AHSG: variants seen among roughly 807,000 people sequenced by gnomAD.
AHSG encodes the protein alpha-2-HS-glycoprotein.
In AHSG, 23 loss-of-function variants were observed where a neutral mutation model predicts 30.1. The observed-to-expected ratio is 0.76, with a 90% CI of 0.55 to 1.08. The LOEUF (loss-of-function observed/expected upper bound fraction) is 1.08, where lower values mean the gene tolerates loss of function less well. Among genes scored for constraint, AHSG ranks in the 50% least tolerant of loss-of-function variants. The pLI, the probability that AHSG is intolerant of heterozygous loss-of-function variation, is 0.00. For missense variants in AHSG, 469 were observed against 459.5 expected (o/e 1.02, Z -0.19); for synonymous variants, 164 against 186.3 (o/e 0.88, Z 0.98).
chr3:186,616,851 A>G (rs1449828088), intron 3 of AHSG, among the ~76,000 whole-genome samples: 1 of 151,946 alleles, frequency 6.6e-6, no homozygotes, highest in Non-Finnish European at 1.5e-5. Flanking sequence ...AATCCCAGCT[A>G]CTAGGGAGGC....
Position 186,615,752 on chromosome 3 carries a change from C to G in AHSG, c.281C>G (p.Pro94Arg). The G allele has an allele frequency of 6.2e-7, 1 of 1,614,212 alleles. No homozygotes were observed. Among genetic ancestry groups the G allele is most frequent in the South Asian group, 1.1e-5 (1 of 91,088 alleles). The change falls in exon 2 of 7, where the codon CCC becomes CGC. Residue 94 changes from proline to arginine, a missense_variant. Transcript: ENST00000411641. The stretch of plus-strand genomic sequence containing the variant: ...GAAACCACCTGCCATGTGCTGGACC[C>G]CACCCCTGTGGCAAGATGCAGCGTG... ...TLETTCHVLD[P>R]TPVARCSVRQ...
chr3:186,618,664 T>C, intron 5 of AHSG, 27 bp downstream of exon 5: 6 of 1,612,096 alleles, frequency 3.7e-6, no homozygotes, highest in Non-Finnish European at 5.1e-6. Flanking sequence ...CTTGGGGTGT[T>C]ACCACTCGGA....
chr3:186,616,278 G>C lies in AHSG; in HGVS notation c.325-165G>C, dbSNP rs113129424. 4.3e-3 allele frequency among the ~76,000 whole-genome samples: 654 copies of C among 152,270 alleles called. 6 individuals carry two copies. Among genetic ancestry groups the C allele is most frequent in the African/African-American group, 0.015 (622 of 41,532 alleles). On this transcript the variant is annotated intron_variant, in intron 2 of 6. Transcript: ENST00000411641. Reference sequence around the variant, plus strand: ...TGCCCTGGGGCTGATTTTTACAAGCGTTTAACTATATCGTTGTATCCCTGA... The same window carrying C: ...TGCCCTGGGGCTGATTTTTACAAGCCTTTAACTATATCGTTGTATCCCTGA...
At chr3:186,614,964 C>A (rs899415510) in intron 1 of AHSG, among the ~76,000 whole-genome samples, 2 of 151,994 alleles carry the variant, frequency 1.3e-5, no homozygotes, top group Non-Finnish European at 2.9e-5. Context: ...AGGATTGTTG[C>A]AAGCTCCCTC....
intron 1 of AHSG, 35 bp from the exon 2 acceptor site, chr3:186,615,650 T>C: frequency 6.4e-7 from 1 of 1,563,438 alleles, no homozygotes; most frequent in Non-Finnish European, 8.8e-7. Flanking sequence ...ATCAGGGGAA[T>C]AGGTTGCTCA....
chr3:186,617,614 C>CA, intron 4 of AHSG: 1 of 577,130 alleles, frequency 1.7e-6, no homozygotes, highest in South Asian at 2.0e-5. Context: ...GGTACATCCC[C>CA]ACTCCCTCCG....
At position 186,620,131 on chromosome 3, in the gene AHSG, G is replaced by A. The variant is rs372945050; in HGVS notation, c.759+191G>A. ...TTTTAGCTATGCCTTTCCCTCCCACGAACTAGTGACTACAGGGAAGAACCA... is the reference window on the plus strand; with the variant it reads ...TTTTAGCTATGCCTTTCCCTCCCACAAACTAGTGACTACAGGGAAGAACCA... On this transcript the variant is annotated intron_variant, in intron 6 of 6. Coordinates refer to ENST00000411641, the MANE Select transcript of AHSG (RefSeq NM_001622.4). Among the ~76,000 whole-genome samples, 15 of 152,266 alleles carry A rather than the reference G, an allele frequency of 9.9e-5. No individual in the cohort carries two copies. The South Asian group carries it at 1.7e-3, about 17-fold the overall frequency.
In AHSG at chr3:186,619,840, T is replaced by G. The variant is rs1716422751; in HGVS notation, c.676-17T>G. The G allele has an allele frequency of 6.3e-7, 1 of 1,597,698 alleles. No homozygotes were observed. Among genetic ancestry groups the G allele is most frequent in the South Asian group, 1.1e-5 (1 of 88,978 alleles). ...TTTTGAAATTAGTTAAAATAAATCC[T>G]CTTTCTCTGTGGGCAGCAATATGGC... On this transcript the variant is annotated splice_polypyrimidine_tract_variant and intron_variant, in intron 5 of 6. Coordinates refer to ENST00000411641, the MANE Select transcript of AHSG (RefSeq NM_001622.4).
chr3:186,617,267 G>A lies in AHSG; in HGVS notation c.490G>A (p.Ala164Thr), dbSNP rs140827890. The change falls in exon 4 of 7, where the codon GCG (alanine) becomes ACG (threonine). Residue 164 changes from alanine (A) to threonine (T), a missense_variant. By Grantham distance (58) the Ala-to-Thr change is moderately conservative (BLOSUM62 0). Transcript: ENST00000411641. ...PLNDTRVVHA[A>T]KAALAAFNAQ... ...GAACGACACCAGGGTGGTGCACGCCGCGAAAGCTGCCCTGGCCGCCTTCAA... is the reference window on the plus strand; with the variant it reads ...GAACGACACCAGGGTGGTGCACGCCACGAAAGCTGCCCTGGCCGCCTTCAA... 9.9e-3 allele frequency: 15,963 copies of A among 1,614,196 alleles called. 219 individuals carry two copies. Among genetic ancestry groups the A allele is most frequent in the South Asian group, 0.048 (4,375 of 91,088 alleles).
At chr3:186,613,478 C>CCT in intron 1 of AHSG, 124 bp downstream of exon 1, 1 of 962,108 alleles carries the variant, frequency 1.0e-6, no homozygotes, top group Non-Finnish European at 1.5e-6. Context: ...TGATTTCTTC[C>CCT]CAGGAGTGAG....
intron 2 of AHSG, 69 bp downstream of exon 2, chr3:186,615,864 A>C: frequency 1.4e-5 from 20 of 1,412,688 alleles, no homozygotes; most frequent in Non-Finnish European, 1.9e-5. Flanking sequence ...CCAGCGTCTC[A>C]GCCTGCCTTC....
chr3:186,615,774 C>G lies in AHSG; in HGVS notation c.303C>G (p.Ser101Arg). Residue 101 changes from serine to arginine, a missense_variant, in exon 2 of 7, where the codon AGC becomes AGG. Physicochemically the swap from Ser to Arg is moderately radical, Grantham distance 110. Transcript: ENST00000411641. Reference sequence around the variant, plus strand: ...ACCCCACCCCTGTGGCAAGATGCAGCGTGAGGCAGCTGAAGGAGCATGTGA... The same window carrying G: ...ACCCCACCCCTGTGGCAAGATGCAGGGTGAGGCAGCTGAAGGAGCATGTGA... ...VLDPTPVARCSVRQLKEHAVE... is the reference protein window; with the variant it reads ...VLDPTPVARCRVRQLKEHAVE... The G allele has an allele frequency of 6.2e-7, 1 of 1,614,200 alleles. No homozygotes were observed. Among genetic ancestry groups the G allele is most frequent in the Non-Finnish European group, 8.5e-7 (1 of 1,180,010 alleles).
chr3:186,615,662 G>T (rs752820024), intron 1 of AHSG, 23 bp from the exon 2 acceptor site: 1 of 1,603,216 alleles, frequency 6.2e-7, no homozygotes, highest in Non-Finnish European at 8.5e-7. Flanking sequence ...GGTTGCTCAC[G>T]GCTTCACTCT....
chr3:186,620,445 G>A (rs1716445919), intron 6 of AHSG, 141 bp from the exon 7 acceptor site: 1 of 748,692 alleles, frequency 1.3e-6, no homozygotes, highest in East Asian at 2.5e-5. Context: ...CTTGTACTTG[G>A]GTAGGTCCTT....
In AHSG at chr3:186,617,302, C is replaced by G. The variant is rs770113523; in HGVS notation, c.525C>G (p.Asn175Lys). 6 of 1,614,234 alleles carry G rather than the reference C, an allele frequency of 3.7e-6. No individual in the cohort carries two copies. The Middle Eastern group carries it at 8.2e-4, about 222-fold the overall frequency. Residue 175 changes from asparagine (N) to lysine (K), a missense_variant, in exon 4 of 7, where the codon AAC becomes AAG. By Grantham distance (94) the Asn-to-Lys change is moderately conservative. Transcript: ENST00000411641. ...KAALAAFNAQ[N>K]NGSNFQLEEI... is the part of the protein sequence containing the mutation. Reference sequence around the variant, plus strand: ...CCCTGGCCGCCTTCAACGCTCAGAACAACGGCTCCAATTTTCAGCTGGAGG... The same window carrying G: ...CCCTGGCCGCCTTCAACGCTCAGAAGAACGGCTCCAATTTTCAGCTGGAGG...
rs895944689 is a variant in AHSG, at chr3:186,620,993, C to A, written c.*63C>A. 10 of 1,524,258 alleles carry A rather than the reference C, an allele frequency of 6.6e-6. No individual in the cohort carries two copies. In the Admixed American group the frequency reaches 1.9e-4, roughly 28 times the overall value. The allele number at this position is 1,524,258 out of a possible 1,614,324, so 94.4% of individuals were successfully genotyped here. Reference sequence around the variant, plus strand: ...AACATAGCCACCATTTTGTCCAAGCCTGGGCATGGGTGGGGGGCCTTGTCT... The same window carrying A: ...AACATAGCCACCATTTTGTCCAAGCATGGGCATGGGTGGGGGGCCTTGTCT... On this transcript the variant is annotated 3_prime_UTR_variant, in exon 7 of 7. Transcript: ENST00000411641.
rs757682407 is a variant in AHSG at position 186,616,425 on chromosome 3, G to T, written c.325-18G>T. On this transcript the variant is annotated intron_variant, in intron 2 of 6. Transcript: ENST00000411641. ...GAAGGGGAAGGGCAGCCATCCTCAC[G>T]TGGGTTTCTTTCTCCAGGCTGTCGA... is the stretch of plus-strand genomic sequence containing the variant. 5.0e-6 allele frequency: 8 copies of T among 1,609,764 alleles called. No homozygotes were observed. The highest frequency in any genetic ancestry group is 6.8e-6 in the Non-Finnish European group (8 of 1,177,588).
Position 186,619,956 on chromosome 3 carries a change from A to G in AHSG, c.759+16A>G. 1 of 1,596,900 alleles carries G rather than the reference A, an allele frequency of 6.3e-7. No homozygotes were observed. Among genetic ancestry groups the G allele is most frequent in the Non-Finnish European group, 8.5e-7 (1 of 1,170,152 alleles). On this transcript the variant is annotated intron_variant, in intron 6 of 6. Coordinates refer to ENST00000411641, the MANE Select transcript of AHSG (RefSeq NM_001622.4). ...CCAAACACAGGTAACAGCTCCGTGA[A>G]TATTCTTGCCTACACCTTCAGAATA...
chr3:186,617,467 A>G, intron 4 of AHSG, 117 bp downstream of exon 4: 1 of 1,560,400 alleles, frequency 6.4e-7, no homozygotes, highest in Non-Finnish European at 8.8e-7. Context: ...ATGAGAAAGC[A>G]AGGAGAGGGT....
Sources: gnomAD v4.1 joint callset for allele counts (sites outside exome capture counted in the v4.1 genomes callset) on GRCh38, gnomAD v4.1.1 for gene constraint, MANE v1.5 for transcripts, NCBI Gene and HGNC (gene_info 2026-07-23, HGNC 2026-07-21) for gene names.